MPV17: variants seen among roughly 807,000 people sequenced by gnomAD.
MPV17 encodes MPV17, mitochondrial inner membrane protein.
A neutral mutation model predicts 28.6 loss-of-function variants in MPV17; 31 were observed. The observed-to-expected ratio is 1.08, with a 90% CI of 0.81 to 1.46. MPV17 has a LOEUF of 1.46. Ranked by LOEUF, MPV17 falls within the 40% of genes most tolerant of loss-of-function variation. The pLI is 0.00. For missense variants in MPV17, 198 were observed against 216.2 expected, an observed-to-expected ratio of 0.92 and a Z score of 0.53; for synonymous variants, 87 against 85.3, an observed-to-expected ratio of 1.02 and a Z score of -0.11.
intron 2 of MPV17, among the ~76,000 whole-genome samples, chr2:27,320,435 C>T (rs1679816183): frequency 6.6e-6 from 1 of 151,174 alleles, no homozygotes; most frequent in Admixed American, 6.6e-5. Flanking sequence ...CTCATGGGTT[C>T]AAGTGATTCT....
chr2:27,313,275 C>A (rs768668235), intron 2 of MPV17, 166 bp from the exon 3 acceptor site: 1 of 1,467,530 alleles, frequency 6.8e-7, no homozygotes, highest in Non-Finnish European at 9.3e-7. Flanking sequence ...AAAGCCCTCA[C>A]CTCCCCAATG....
intron 1 of MPV17, 140 bp from the exon 2 acceptor site, chr2:27,322,662 G>A (rs1211078256): frequency 2.9e-6 from 2 of 696,630 alleles, no homozygotes; most frequent in Non-Finnish European, 5.1e-6. Flanking sequence ...CATGAAGGAT[G>A]CTTCCCAGAC....
chr2:27,316,195 G>C, intron 2 of MPV17: 1 of 1,551,106 alleles, frequency 6.4e-7, no homozygotes, highest in Admixed American at 2.0e-5. Flanking sequence ...TCCTGGGAAA[G>C]AAACAGAGAA....
intron 2 of MPV17, among the ~76,000 whole-genome samples, chr2:27,319,929 A>G (rs1352638097): frequency 6.7e-6 from 1 of 148,290 alleles, no homozygotes; most frequent in Non-Finnish European, 1.5e-5. Flanking sequence ...TTATCTCAAA[A>G]AAAAAAAAAA....
intron 2 of MPV17, among the ~76,000 whole-genome samples, chr2:27,318,506 C>A (rs1051208931): frequency 6.6e-6 from 1 of 151,864 alleles, no homozygotes; most frequent in African/African-American, 2.4e-5. Flanking sequence ...TACAGGCATG[C>A]GCCACCATGC....
In MPV17 at chr2:27,313,117, G is replaced by T. The variant is rs1477175027; in HGVS notation, c.71-8C>A. On this transcript the variant is annotated splice_region_variant and splice_polypyrimidine_tract_variant and intron_variant, in intron 2 of 7. Coordinates refer to ENST00000380044, the MANE Select transcript of MPV17 (RefSeq NM_002437.5). ...CCAGGCCCATCAGGGACCCTATGCA[G>T]GGTACACAGGTGTTGTCAGGACATC... The T allele has an allele frequency of 6.2e-7, 1 of 1,614,176 alleles. No individual in the cohort carries two copies. Among genetic ancestry groups the T allele is most frequent in the Admixed American group, 1.7e-5 (1 of 60,014 alleles).
At chr2:27,322,656 A>G in intron 1 of MPV17, 134 bp from the exon 2 acceptor site, 1 of 715,538 alleles carries the variant, frequency 1.4e-6, no homozygotes, top group Non-Finnish European at 2.5e-6. Flanking sequence ...AGGCCACATG[A>G]AGGATGCTTC....
chr2:27,320,818 G>A (rs1679830270), intron 2 of MPV17, among the ~76,000 whole-genome samples: 1 of 152,122 alleles, frequency 6.6e-6, no homozygotes, highest in African/African-American at 2.4e-5. Context: ...ACTGTGCTGG[G>A]GTCCAAAAAT....
intron 2 of MPV17, among the ~76,000 whole-genome samples, chr2:27,318,737 GACAGTC>G (rs1679749337): frequency 6.6e-6 from 1 of 151,790 alleles, no homozygotes; most frequent in South Asian, 2.1e-4. Flanking sequence ...TATTCATCCA[GACAGTC>G]CTAAAGAGTA....
chr2:27,309,809 C>T lies in MPV17; in HGVS notation c.*103G>A, dbSNP rs1361098383. 2.1e-6 allele frequency: 2 copies of T among 942,268 alleles called. No homozygotes were observed. The highest frequency in any genetic ancestry group is 3.4e-6 in the Non-Finnish European group (2 of 581,868). 58.4% of individuals were successfully genotyped at this position (942,268 alleles called of 1,614,324 possible). ...AGTCCTCTTAAGCTCTGACCGGCAA[C>T]CCAACCCCGTGGAAACTGGTATGCC... On this transcript the variant is annotated 3_prime_UTR_variant, in exon 8 of 8. Transcript: ENST00000380044.
At chr2:27,316,422 T>C (rs912979525) in intron 2 of MPV17, among the ~76,000 whole-genome samples, 1 of 152,136 alleles carries the variant, frequency 6.6e-6, no homozygotes, top group African/African-American at 2.4e-5. Flanking sequence ...GGTATGTAGA[T>C]CTGCAGTCCC....
intron 1 of MPV17, 113 bp downstream of exon 1, chr2:27,322,939 C>T: frequency 3.8e-6 from 1 of 266,402 alleles, no homozygotes; most frequent in Admixed American, 5.0e-5. Flanking sequence ...GAGTCCAGCT[C>T]CAAACCGAAA....
chr2:27,321,242 A>G (rs1679848999), intron 2 of MPV17, among the ~76,000 whole-genome samples: 1 of 152,242 alleles, frequency 6.6e-6, no homozygotes, highest in East Asian at 1.9e-4. Context: ...AGTTCCCATC[A>G]TAGCCACACT....
chr2:27,319,115 A>T (rs938356120), intron 2 of MPV17, among the ~76,000 whole-genome samples: 3 of 152,124 alleles, frequency 2.0e-5, no homozygotes, highest in African/African-American at 7.2e-5. Context: ...ACTGAGCAAC[A>T]GCTGCCCTTA....
intron 7 of MPV17, 108 bp from the exon 8 acceptor site, chr2:27,310,089 A>T: frequency 1.1e-6 from 1 of 876,048 alleles, no homozygotes; most frequent in Non-Finnish European, 1.9e-6. Context: ...AAGGATTGGC[A>T]GGTTTAGGTC....
intron 5 of MPV17, 84 bp from the exon 6 acceptor site, chr2:27,312,330 G>A: frequency 6.6e-7 from 1 of 1,516,786 alleles, no homozygotes; most frequent in East Asian, 2.3e-5. Flanking sequence ...ACACAGACTT[G>A]GGTTCAAAGA....
rs35244252 is a variant in MPV17, at chr2:27,322,491, C to A, written c.27G>T (p.Arg9=). The A allele has an allele frequency of 7.3e-4, 1,177 of 1,614,058 alleles. 12 individuals carry two copies. In the African/African-American group the frequency reaches 0.014, roughly 20 times the overall value. Residue 9 remains arginine (R), a synonymous_variant, in exon 2 of 8, where the codon CGG becomes CGT. Transcript: ENST00000380044. ...CTTTCCACGGGTGAGCGGCCAGGGC[C>A]CGCTGGTATGCCCGCCAGAGTGCCA... is the stretch of plus-strand genomic sequence containing the variant. MALWRAYQ[R]ALAAHPWKVQ... is the part of the protein sequence containing the mutation.
chr2:27,312,851 G>C (rs2148216084), intron 3 of MPV17, 79 bp from the exon 4 acceptor site: 1 of 1,539,662 alleles, frequency 6.5e-7, no homozygotes, highest in South Asian at 1.1e-5. Flanking sequence ...CCTGCCCCAA[G>C]TATCAGAATA....
chr2:27,318,351 G>GC (rs11375821), intron 2 of MPV17, among the ~76,000 whole-genome samples: 151,452 of 151,452 alleles, frequency 1, 75,726 homozygotes, highest in Non-Finnish European at 1. Flanking sequence ...ACAGGCGTGA[G>GC]CACTGCGCCC....
Sources: allele counts gnomAD v4.1 joint callset (sites outside exome capture counted in the v4.1 genomes callset), GRCh38; gene constraint gnomAD v4.1.1; transcripts MANE v1.5; gene names NCBI Gene and HGNC (gene_info 2026-07-23, HGNC 2026-07-21).